The following RSRC1 variants were observed in gnomAD, a reference collection of about 807,000 sequenced individuals.
The protein encoded by RSRC1 is arginine and serine rich coiled-coil 1.
A neutral mutation model predicts 49.1 loss-of-function variants in RSRC1; 39 were observed. That is an observed-to-expected ratio of 0.79 (90% CI 0.61 to 1.04). The LOEUF (loss-of-function observed/expected upper bound fraction) is 1.04. Ranked by LOEUF, RSRC1 falls within the 50% of genes least tolerant of loss-of-function variation. The pLI is 0.00. For synonymous variants in RSRC1, 143 were observed against 130.8 expected (o/e 1.09, Z -0.63); for missense variants, 388 against 402.4 (o/e 0.96, Z 0.31).
At chr3:158,340,239 C>A (rs1578360539) in intron 5 of RSRC1, among the ~76,000 whole-genome samples, 1 of 152,086 alleles carries the variant, frequency 6.6e-6, no homozygotes, top group South Asian at 2.1e-4. Context: ...GCTTCCTCCT[C>A]ATTTTTCTCT....
chr3:158,190,220 A>G (rs1720156960), intron 3 of RSRC1, among the ~76,000 whole-genome samples: 1 of 151,990 alleles, frequency 6.6e-6, no homozygotes, highest in South Asian at 2.1e-4. Context: ...GATATATCTC[A>G]GGGTTAATTA....
chr3:158,376,842 G>C (rs1287900507), intron 6 of RSRC1, among the ~76,000 whole-genome samples: 1 of 134,550 alleles, frequency 7.4e-6, no homozygotes, highest in Non-Finnish European at 1.6e-5. Flanking sequence ...CACTCTATAT[G>C]ATTTCAATTC....
At chr3:158,357,042 T>A (rs979050011) in intron 6 of RSRC1, among the ~76,000 whole-genome samples, 6 of 152,164 alleles carry the variant, frequency 3.9e-5, no homozygotes, top group African/African-American at 1.2e-4. Flanking sequence ...ATTTTCAAGT[T>A]AAAAAATTTA....
intron 7 of RSRC1, among the ~76,000 whole-genome samples, chr3:158,518,645 G>A (rs985936425): frequency 4.0e-5 from 6 of 151,886 alleles, no homozygotes; most frequent in South Asian, 2.1e-4. Context: ...TTTACTTAAC[G>A]TCATTCCATT....
At chr3:158,433,103 G>A (rs1437037492) in intron 6 of RSRC1, among the ~76,000 whole-genome samples, 1 of 151,872 alleles carries the variant, frequency 6.6e-6, no homozygotes, top group Non-Finnish European at 1.5e-5. Context: ...ATTTCATTCA[G>A]TGTTAAAATT....
chr3:158,380,674 G>A (rs971340048), intron 6 of RSRC1, among the ~76,000 whole-genome samples: 1 of 151,924 alleles, frequency 6.6e-6, no homozygotes, highest in African/African-American at 2.4e-5. Context: ...AAATCAACAT[G>A]ATGGGTATTT....
At position 158,378,344 on chromosome 3, in the gene RSRC1, G is replaced by C. The variant is rs562501060; in HGVS notation, c.583+23436G>C. Among the ~76,000 whole-genome samples, 5 of 152,178 alleles carry C rather than the reference G, an allele frequency of 3.3e-5. No homozygotes were observed. In the South Asian group the frequency reaches 1.0e-3, roughly 32 times the overall value. On this transcript the variant is annotated intron_variant, in intron 6 of 9. Transcript: ENST00000611884. ...TCAACATCTGAGTTCTCTCAAGGTTGGTTGCTGTTGATTTTCTTTTCCTTT... is the reference window on the plus strand; with the variant it reads ...TCAACATCTGAGTTCTCTCAAGGTTCGTTGCTGTTGATTTTCTTTTCCTTT...
At chr3:158,348,382 A>G (rs986953031) in intron 5 of RSRC1, among the ~76,000 whole-genome samples, 1 of 152,176 alleles carries the variant, frequency 6.6e-6, no homozygotes, top group East Asian at 1.9e-4. Context: ...TCAAAGGATT[A>G]TGCTGGTTTT....
chr3:158,340,667 G>T (rs73170316), intron 5 of RSRC1, among the ~76,000 whole-genome samples: 1 of 152,154 alleles, frequency 6.6e-6, no homozygotes, highest in Non-Finnish European at 1.5e-5. Context: ...CCAGTGTCGG[G>T]TATGTCTTTA....
chr3:158,527,948 A>AT (rs1220294557), intron 7 of RSRC1, among the ~76,000 whole-genome samples: 4 of 151,986 alleles, frequency 2.6e-5, no homozygotes, highest in East Asian at 3.9e-4. Flanking sequence ...AATTTGTGAG[A>AT]TTTTTTATAT....
intron 4 of RSRC1, among the ~76,000 whole-genome samples, chr3:158,253,343 A>G (rs1178895209): frequency 1.3e-5 from 2 of 152,076 alleles, no homozygotes; most frequent in African/African-American, 4.8e-5. Context: ...CATCATTCAG[A>G]AGCATATCAT....
chr3:158,363,945 A>T (rs1429591728), intron 6 of RSRC1, among the ~76,000 whole-genome samples: 1 of 152,194 alleles, frequency 6.6e-6, no homozygotes, highest in East Asian at 1.9e-4. Flanking sequence ...AACACAGATC[A>T]GTTATACATA....
chr3:158,152,150 C>T (rs941796666), intron 3 of RSRC1, among the ~76,000 whole-genome samples: 1 of 151,586 alleles, frequency 6.6e-6, no homozygotes, highest in Admixed American at 6.6e-5. Context: ...GACCTGGTTT[C>T]TCTGGACTCT....
chr3:158,132,078 C>T, intron 3 of RSRC1: 1 of 436,024 alleles, frequency 2.3e-6, no homozygotes, highest in South Asian at 1.6e-5. Context: ...TTACCTCCTT[C>T]ACTCAAGGTA....
intron 8 of RSRC1, among the ~76,000 whole-genome samples, chr3:158,541,871 C>G (rs1250642014): frequency 6.6e-6 from 1 of 151,948 alleles, no homozygotes; most frequent in African/African-American, 2.4e-5. Flanking sequence ...TGAAATGTAA[C>G]TAAGTAAGCA....
intron 3 of RSRC1, among the ~76,000 whole-genome samples, chr3:158,179,474 C>T (rs532008956): frequency 7.0e-4 from 106 of 152,176 alleles, no homozygotes; most frequent in Non-Finnish European, 1.3e-3. Context: ...CATTTAAGAA[C>T]GTTTTTTAAA....
chr3:158,417,819 T>C (rs973167479), intron 6 of RSRC1, among the ~76,000 whole-genome samples: 5 of 151,034 alleles, frequency 3.3e-5, no homozygotes, highest in Non-Finnish European at 5.9e-5. Flanking sequence ...AGCAAAGTAA[T>C]AAAATGGTGA....
intron 4 of RSRC1, among the ~76,000 whole-genome samples, chr3:158,205,068 A>G (rs1371798948): frequency 6.6e-6 from 1 of 152,172 alleles, no homozygotes; most frequent in African/African-American, 2.4e-5. Flanking sequence ...AGTTTACAAG[A>G]TAATAGTGTT....
At chr3:158,423,333 A>G (rs1413404426) in intron 6 of RSRC1, among the ~76,000 whole-genome samples, 18 of 152,128 alleles carry the variant, frequency 1.2e-4, no homozygotes, top group African/African-American at 4.1e-4. Flanking sequence ...TTAAATAGGG[A>G]ATCCTTTCCC....
Sources: gnomAD v4.1 joint callset for allele counts (sites outside exome capture counted in the v4.1 genomes callset) on GRCh38, gnomAD v4.1.1 for gene constraint, MANE v1.5 for transcripts, NCBI Gene and HGNC (gene_info 2026-07-23, HGNC 2026-07-21) for gene names.